Variants in WWC2 observed in about 807,000 individuals in gnomAD.
WWC2 encodes the protein protein WWC2.
In WWC2, 101 loss-of-function variants were observed where a neutral mutation model predicts 138.5. The ratio of observed to expected loss-of-function variants is 0.73; its 90% CI spans 0.62 to 0.86. WWC2 has a LOEUF of 0.86. Among genes scored for constraint, WWC2 ranks in the 40% least tolerant of loss-of-function variants. The pLI, the probability that WWC2 is intolerant of heterozygous loss-of-function variation, is 0.00. For synonymous variants in WWC2, 558 were observed against 538.4 expected (o/e 1.04, Z -0.50); for missense variants, 1,420 against 1,419.4 (o/e 1.00, Z -0.01).
intron 9 of WWC2, among the ~76,000 whole-genome samples, chr4:183,255,039 G>A (rs1401700815): frequency 1.3e-5 from 2 of 152,214 alleles, no homozygotes; most frequent in Non-Finnish European, 2.9e-5. Flanking sequence ...CCACCCCAAC[G>A]TTAACCGTTT....
chr4:183,244,016 C>G (rs1736694894), intron 5 of WWC2, among the ~76,000 whole-genome samples: 1 of 151,816 alleles, frequency 6.6e-6, no homozygotes, highest in Admixed American at 6.6e-5. Flanking sequence ...TATTTTTTTT[C>G]AGATTATACC....
At chr4:183,231,640 C>T (rs1239485012) in intron 4 of WWC2, among the ~76,000 whole-genome samples, 1 of 152,068 alleles carries the variant, frequency 6.6e-6, no homozygotes, top group East Asian at 1.9e-4. Context: ...GGAATGAGTG[C>T]TACAGAATAG....
intron 1 of WWC2, among the ~76,000 whole-genome samples, chr4:183,113,505 T>TGCGCGCGCGC (rs1732308297): frequency 6.8e-6 from 1 of 146,748 alleles, no homozygotes; most frequent in Non-Finnish European, 1.5e-5. Context: ...TGTGTGTGTG[T>TGCGCGCGCGC]GTGTGTGTGT....
At chr4:183,101,770 A>C (rs1416318250) in intron 1 of WWC2, among the ~76,000 whole-genome samples, 1 of 152,212 alleles carries the variant, frequency 6.6e-6, no homozygotes, top group Non-Finnish European at 1.5e-5. Flanking sequence ...GAGTGTGTGG[A>C]TTCTTCTGCA....
intron 4 of WWC2, among the ~76,000 whole-genome samples, chr4:183,237,059 A>G (rs1736448981): frequency 6.6e-6 from 1 of 152,236 alleles, no homozygotes; most frequent in Non-Finnish European, 1.5e-5. Context: ...AAAAAAAGAA[A>G]AAAAGCAAAA....
chr4:183,207,255 G>C (rs1399668268), intron 2 of WWC2, among the ~76,000 whole-genome samples: 1 of 152,108 alleles, frequency 6.6e-6, no homozygotes, highest in Admixed American at 6.5e-5. Flanking sequence ...GCAAGAACCA[G>C]GGCCTTAGGC....
chr4:183,107,267 TC>T (rs990225643), intron 1 of WWC2, among the ~76,000 whole-genome samples: 6 of 152,082 alleles, frequency 3.9e-5, no homozygotes, highest in African/African-American at 1.4e-4. Flanking sequence ...GTTCAACAGA[TC>T]CTCCCACCTC....
At chr4:183,273,524 A>G (rs10012232) in intron 16 of WWC2, among the ~76,000 whole-genome samples, 58,115 of 151,866 alleles carry the variant, frequency 0.38, 11,527 homozygotes, top group Admixed American at 0.49. Flanking sequence ...GGCTGGTCTC[A>G]AACTCCCGAC....
chr4:183,118,417 G>C (rs1372056238), intron 1 of WWC2, among the ~76,000 whole-genome samples: 1 of 151,878 alleles, frequency 6.6e-6, no homozygotes, highest in Non-Finnish European at 1.5e-5. Flanking sequence ...TGTCTTTATG[G>C]TAGCTAGAAA....
intron 1 of WWC2, among the ~76,000 whole-genome samples, chr4:183,182,008 A>T (rs954029053): frequency 6.6e-6 from 1 of 152,196 alleles, no homozygotes; most frequent in Non-Finnish European, 1.5e-5. Flanking sequence ...CCAAAATATG[A>T]TGTATATTTT....
chr4:183,111,869 T>C (rs1732243112), intron 1 of WWC2, among the ~76,000 whole-genome samples: 1 of 152,022 alleles, frequency 6.6e-6, no homozygotes, highest in Non-Finnish European at 1.5e-5. Context: ...TAAGTTTTTT[T>C]GTACTTTTTG....
intron 1 of WWC2, among the ~76,000 whole-genome samples, chr4:183,118,817 C>G (rs1732505867): frequency 6.6e-6 from 1 of 152,074 alleles, no homozygotes; most frequent in Admixed American, 6.6e-5. Context: ...GCGTTGAGTC[C>G]TTTTAGCCAG....
chr4:183,222,543 A>G (rs1735962700), intron 4 of WWC2, among the ~76,000 whole-genome samples: 1 of 152,184 alleles, frequency 6.6e-6, no homozygotes, highest in African/African-American at 2.4e-5. Flanking sequence ...AATGAAAGAT[A>G]TTTTAAAAAA....
intron 1 of WWC2, among the ~76,000 whole-genome samples, chr4:183,138,180 G>A (rs1465543160): frequency 7.9e-5 from 12 of 152,156 alleles, no homozygotes; most frequent in Admixed American, 7.9e-4. Flanking sequence ...TCTTGGGGGA[G>A]GTGGGCTTCA....
At position 183,282,799 on chromosome 4, in the gene WWC2, T is replaced by A. The variant is rs143431515; in HGVS notation, c.2776T>A (p.Leu926Ile). 9.5e-4 allele frequency: 1,502 copies of A among 1,585,924 alleles called. 12 individuals carry two copies. The African/African-American group carries it at 0.017, about 18-fold the overall frequency. ...LPEDSSCTED[L>I]SSCTSVPEMN... The stretch of plus-strand genomic sequence containing the variant: ...AGAGGACAGTAGCTGTACAGAAGAT[T>A]TAAGTTCATGCACTAGTGTGCCTGA... Residue 926 changes from leucine (L) to isoleucine (I), a missense_variant, in exon 18 of 23, where the codon TTA (leucine) becomes ATA (isoleucine). Transcript: ENST00000403733.
chr4:183,196,190 C>G (rs1046995254), intron 2 of WWC2, among the ~76,000 whole-genome samples: 1 of 152,148 alleles, frequency 6.6e-6, no homozygotes, highest in African/African-American at 2.4e-5. Flanking sequence ...CCTGCAGAAC[C>G]GTGAGTTAAT....
At chr4:183,292,483 T>G (rs1738489194) in intron 21 of WWC2, among the ~76,000 whole-genome samples, 1 of 151,864 alleles carries the variant, frequency 6.6e-6, no homozygotes, top group East Asian at 1.9e-4. Context: ...TTAGCCTGAG[T>G]GACAGGAAAA....
At chr4:183,245,225 TAAAAA>T (rs746541290) in intron 5 of WWC2, among the ~76,000 whole-genome samples, 186 bp from the exon 6 acceptor site, 5 of 69,510 alleles carry the variant, frequency 7.2e-5, no homozygotes, top group East Asian at 4.8e-4. Flanking sequence ...AGACTCCATC[TAAAAA>T]AAAAAAAAAA....
intron 1 of WWC2, among the ~76,000 whole-genome samples, chr4:183,185,945 ATTTT>A (rs546555995): frequency 3.8e-5 from 5 of 131,216 alleles, no homozygotes; most frequent in Non-Finnish European, 4.9e-5. Flanking sequence ...TTTAACATAG[ATTTT>A]TTTTTTTTTT....
Sources: allele counts gnomAD v4.1 joint callset (sites outside exome capture counted in the v4.1 genomes callset), GRCh38; gene constraint gnomAD v4.1.1; transcripts MANE v1.5; gene names NCBI Gene and HGNC (gene_info 2026-07-23, HGNC 2026-07-21).